Variants in NUDT7 observed in about 807,000 individuals in gnomAD.
The protein encoded by NUDT7 is nudix hydrolase 7.
Under a neutral mutation model 13.1 loss-of-function variants are expected in NUDT7, and 19 were observed. The ratio of observed to expected loss-of-function variants is 1.45; its 90% CI spans 1.01 to 2.13. NUDT7 has a LOEUF of 2.13. NUDT7 is among the 30% of genes most tolerant of loss of function. The pLI is 0.00. For synonymous variants in NUDT7, 132 were observed against 109.7 expected (o/e 1.20, Z -1.27); for missense variants, 360 against 291.7 (o/e 1.23, Z -1.71).
chr16:77,741,483 C>G, intron 3 of NUDT7, 99 bp from the exon 4 acceptor site: 1 of 1,237,644 alleles, frequency 8.1e-7, no homozygotes, highest in South Asian at 1.5e-5. Flanking sequence ...CTCCCAGGTT[C>G]GGTGTATTTT....
At position 77,722,552 on chromosome 16, in the gene NUDT7, G is replaced by T; in HGVS notation, c.-31G>T. Reference sequence around the variant, plus strand: ...GCGACCGACCGAGCAGCTCCGAGGAGTCCGCCCGGAAACAAACATTCCCCA... The same window carrying T: ...GCGACCGACCGAGCAGCTCCGAGGATTCCGCCCGGAAACAAACATTCCCCA... On this transcript the variant is annotated 5_prime_UTR_variant, in exon 1 of 4. Coordinates refer to ENST00000268533, the MANE Select transcript of NUDT7 (RefSeq NM_001105663.3). The T allele has an allele frequency of 6.4e-7, 1 of 1,570,476 alleles. No individual in the cohort carries two copies.
intron 3 of NUDT7, among the ~76,000 whole-genome samples, chr16:77,736,989 T>G (rs1161419667): frequency 1.3e-5 from 2 of 152,086 alleles, no homozygotes; most frequent in East Asian, 3.9e-4. Context: ...CTAGTTTCCA[T>G]ATGACCACAT....
intron 2 of NUDT7, 166 bp downstream of exon 2, chr16:77,725,750 G>C: frequency 3.3e-6 from 2 of 610,820 alleles, no homozygotes; most frequent in South Asian, 4.8e-5. Context: ...GGTGTTTCTT[G>C]GAGAAGGTTT....
At chr16:77,725,715 A>G (rs12448932) in intron 2 of NUDT7, 131 bp downstream of exon 2, 68,415 of 709,942 alleles carry the variant, frequency 0.096, 4,255 homozygotes, top group African/African-American at 0.21. Flanking sequence ...TCAGAGGCAT[A>G]CAACCACAAG....
At chr16:77,739,024 G>T (rs1341629545) in intron 3 of NUDT7, among the ~76,000 whole-genome samples, 1 of 152,170 alleles carries the variant, frequency 6.6e-6, no homozygotes, top group African/African-American at 2.4e-5. Flanking sequence ...GTAAGTTGTG[G>T]TCACCAATGG....
chr16:77,730,907 G>T (rs2145113936), intron 2 of NUDT7, among the ~76,000 whole-genome samples: 1 of 151,654 alleles, frequency 6.6e-6, no homozygotes, highest in East Asian at 1.9e-4. Flanking sequence ...TGTCTATTTA[G>T]TTCCTTTGTC....
chr16:77,727,872 A>C (rs1357370597), intron 2 of NUDT7, among the ~76,000 whole-genome samples: 1 of 130,136 alleles, frequency 7.7e-6, no homozygotes, highest in South Asian at 2.3e-4. Context: ...TGAATAAATA[A>C]ATAAAAATAA....
chr16:77,739,212 A>G (rs547227127), intron 3 of NUDT7, among the ~76,000 whole-genome samples: 4 of 152,336 alleles, frequency 2.6e-5, no homozygotes, highest in South Asian at 4.1e-4. Flanking sequence ...AAGTGAAAGC[A>G]AGTTTATTAG....
At chr16:77,731,049 G>C (rs968156090) in intron 2 of NUDT7, among the ~76,000 whole-genome samples, 1 of 151,852 alleles carries the variant, frequency 6.6e-6, no homozygotes, top group African/African-American at 2.4e-5. Context: ...ATTCTGTTGA[G>C]TGTTTCCTTA....
intron 1 of NUDT7, among the ~76,000 whole-genome samples, chr16:77,724,698 G>A (rs1164218360): frequency 2.0e-5 from 3 of 152,186 alleles, no homozygotes; most frequent in Non-Finnish European, 4.4e-5. Flanking sequence ...TCAGGGGTGA[G>A]GGGATACTGT....
At chr16:77,727,622 AGGT>A (rs1398666699) in intron 2 of NUDT7, among the ~76,000 whole-genome samples, 1 of 152,248 alleles carries the variant, frequency 6.6e-6, no homozygotes, top group African/African-American at 2.4e-5. Context: ...TGGGAGGCTG[AGGT>A]GGGCGGATCA....
intron 3 of NUDT7, chr16:77,736,360 T>TA: frequency 5.5e-6 from 1 of 181,114 alleles, no homozygotes; most frequent in African/African-American, 2.3e-5. Context: ...ATGTGCTAGA[T>TA]ACCAAATTTT....
At chr16:77,728,935 C>A (rs78022337) in intron 2 of NUDT7, among the ~76,000 whole-genome samples, 13,580 of 152,146 alleles carry the variant, frequency 0.089, 662 homozygotes, top group East Asian at 0.14. Flanking sequence ...TCCTCTGTCC[C>A]CTCTTCTACC....
intron 3 of NUDT7, 130 bp downstream of exon 3, chr16:77,736,116 C>A: frequency 1.2e-6 from 1 of 854,174 alleles, no homozygotes. Context: ...ACAGGTTCTC[C>A]TACAGACATT....
At chr16:77,725,291 T>C in intron 1 of NUDT7, 140 bp from the exon 2 acceptor site, 1 of 684,028 alleles carries the variant, frequency 1.5e-6, no homozygotes, top group Non-Finnish European at 2.4e-6. Flanking sequence ...ATCATTTCTG[T>C]CGTGTTATTG....
At chr16:77,732,428 A>G (rs1335731584) in intron 2 of NUDT7, among the ~76,000 whole-genome samples, 1 of 152,206 alleles carries the variant, frequency 6.6e-6, no homozygotes, top group East Asian at 1.9e-4. Flanking sequence ...CTAAGCCTTC[A>G]CATCCACTCA....
chr16:77,736,118 A>G (rs2014477808), intron 3 of NUDT7, 132 bp downstream of exon 3: 2 of 838,888 alleles, frequency 2.4e-6, no homozygotes, highest in African/African-American at 1.7e-5. Flanking sequence ...AGGTTCTCCT[A>G]CAGACATTGC....
At chr16:77,741,460 C>T in intron 3 of NUDT7, 122 bp from the exon 4 acceptor site, 5 of 1,022,500 alleles carry the variant, frequency 4.9e-6, no homozygotes, top group Non-Finnish European at 7.0e-6. Flanking sequence ...CCGGAATAAG[C>T]TTTCTTCCCC....
At position 77,741,843 on chromosome 16, in the gene NUDT7, T is replaced by C; in HGVS notation, c.610T>C (p.Leu204=). The C allele has an allele frequency of 6.2e-7, 1 of 1,614,132 alleles. No homozygotes were observed. The highest frequency in any genetic ancestry group is 8.5e-7 in the Non-Finnish European group (1 of 1,180,012). The change falls in exon 4 of 4, where the codon TTG becomes CTG. Residue 204 remains leucine (L), a synonymous_variant. Transcript: ENST00000268533. ...NLAVLVAFII[L]EKKPTFEVQF... ...TGCAGTGTTGGTGGCCTTTATCATTTTGGAAAAAAAACCCACCTTTGAGGT... is the reference window on the plus strand; with the variant it reads ...TGCAGTGTTGGTGGCCTTTATCATTCTGGAAAAAAAACCCACCTTTGAGGT...
Sources: gnomAD v4.1 joint callset for allele counts (sites outside exome capture counted in the v4.1 genomes callset) on GRCh38, gnomAD v4.1.1 for gene constraint, MANE v1.5 for transcripts, NCBI Gene and HGNC (gene_info 2026-07-23, HGNC 2026-07-21) for gene names.